Variants in LYPLA1 observed in about 807,000 individuals in gnomAD.
LYPLA1 encodes lysophospholipase 1, also known as acyl-protein thioesterase 1.
Under a neutral mutation model 34.0 loss-of-function variants are expected in LYPLA1, and 17 were observed. The ratio of observed to expected loss-of-function variants is 0.50; its 90% confidence interval spans 0.34 to 0.75. The LOEUF is 0.75. Among genes scored for constraint, LYPLA1 ranks in the 30% least tolerant of loss-of-function variants. The pLI, the probability that LYPLA1 is intolerant of heterozygous loss-of-function variation, is 0.01. For missense variants in LYPLA1, 203 were observed against 288.8 expected (o/e 0.70, Z 2.15); for synonymous variants, 98 against 100.8 (o/e 0.97, Z 0.17).
intron 2 of LYPLA1, chr8:54,073,003 G>A (rs1807604890): frequency 2.6e-6 from 1 of 383,940 alleles, no homozygotes; most frequent in Non-Finnish European, 5.0e-6. Context: ...GATCATTAAT[G>A]ATTAGAGAAA....
At chr8:54,054,927 TA>T in intron 6 of LYPLA1, 132 bp downstream of exon 6, 1 of 628,282 alleles carries the variant, frequency 1.6e-6, no homozygotes, top group Non-Finnish European at 2.8e-6. Flanking sequence ...GAAACTTAAT[TA>T]AACATCAAAG....
At chr8:54,094,647 T>G (rs552490463) in intron 2 of LYPLA1, among the ~76,000 whole-genome samples, 7 of 152,208 alleles carry the variant, frequency 4.6e-5, no homozygotes, top group Non-Finnish European at 8.8e-5. Flanking sequence ...TGGGAGCACA[T>G]ATAGCATCCA....
At chr8:54,045,292 T>G (rs952581345), downstream of LYPLA1, among the ~76,000 whole-genome samples, 1 of 152,208 alleles carries the variant, frequency 6.6e-6, no homozygotes, top group Non-Finnish European at 1.5e-5. Flanking sequence ...TATTTATACT[T>G]TCAAAATGCA....
intron 2 of LYPLA1, among the ~76,000 whole-genome samples, chr8:54,075,054 T>C (rs1334669612): frequency 1.3e-5 from 2 of 152,204 alleles, no homozygotes; most frequent in Admixed American, 6.5e-5. Context: ...GGACAAGCCA[T>C]AGTGGAAAGA....
chr8:54,101,471 A>AGAGGCTGACGCCGTGCCC, intron 1 of LYPLA1: 1 of 1,109,224 alleles, frequency 9.0e-7, no homozygotes, highest in South Asian at 4.4e-5. Flanking sequence ...AACACGCTGC[A>AGAGGCTGACGCCGTGCCC]GAGGCTGACG....
intron 2 of LYPLA1, among the ~76,000 whole-genome samples, chr8:54,089,833 G>A (rs1421569679): frequency 6.6e-6 from 1 of 152,106 alleles, no homozygotes; most frequent in Non-Finnish European, 1.5e-5. Context: ...CGGTTTGGCT[G>A]TGTCCCTGCC....
chr8:54,085,805 G>T (rs1250849396), intron 2 of LYPLA1, among the ~76,000 whole-genome samples: 6 of 108,812 alleles, frequency 5.5e-5, no homozygotes, highest in Non-Finnish European at 8.3e-5. Flanking sequence ...CCGTCCGCGA[G>T]GTGGGGGGGG....
At chr8:54,081,317 G>A (rs1808301197) in intron 2 of LYPLA1, among the ~76,000 whole-genome samples, 1 of 151,708 alleles carries the variant, frequency 6.6e-6, no homozygotes, top group African/African-American at 2.4e-5. Context: ...CTGTGTTTAT[G>A]TCTTAACCAC....
At chr8:54,077,071 A>G (rs904025614) in intron 2 of LYPLA1, among the ~76,000 whole-genome samples, 3 of 152,134 alleles carry the variant, frequency 2.0e-5, no homozygotes, top group South Asian at 2.1e-4. Flanking sequence ...TCACAACAGC[A>G]AAGACATTAA....
Position 54,073,510 on chromosome 8 carries a change from A to G in LYPLA1, c.102-7697T>C, listed in dbSNP as rs547052106. On this transcript the variant is annotated intron_variant, in intron 2 of 8. Transcript: ENST00000316963. ...CTTCCAGGACTCCAGAACTACCAGCATCTACACTGCCACTTCTATGCCAGC... is the reference window on the plus strand; with the variant it reads ...CTTCCAGGACTCCAGAACTACCAGCGTCTACACTGCCACTTCTATGCCAGC... The G allele has an allele frequency of 3.2e-4, 227 of 716,264 alleles. No individual in the cohort carries two copies. The African/African-American group carries it at 3.2e-3, about 10-fold the overall frequency. The allele number at this position is 716,264 out of a possible 1,614,324, so 44.4% of individuals were successfully genotyped here.
chr8:54,055,169 CAG>C (rs763807794), intron 5 of LYPLA1, 36 bp from the exon 6 acceptor site: 5 of 1,235,284 alleles, frequency 4.0e-6, no homozygotes, highest in Admixed American at 3.7e-5. Flanking sequence ...GCAATACTTT[CAG>C]AGTTAAGCCC....
chr8:54,055,463 G>C (rs1049505981), intron 5 of LYPLA1, among the ~76,000 whole-genome samples: 1 of 151,776 alleles, frequency 6.6e-6, no homozygotes, highest in African/African-American at 2.4e-5. Context: ...ATGGAAAAAA[G>C]ATTCCATGGT....
rs188100939 is a variant in LYPLA1 at position 54,064,404 on chromosome 8, G to A, written c.168-1029C>T. Among the ~76,000 whole-genome samples, 7 of 152,144 alleles carry A rather than the reference G, an allele frequency of 4.6e-5. 1 individual carries two copies. Among genetic ancestry groups the A allele is most frequent in the African/African-American group, 1.7e-4 (7 of 41,480 alleles). Reference sequence around the variant, plus strand: ...TGCACTCCATCTTGGGCAACAGAGAGAGACTCCATCTCAAAAAAAAAGAAA... The same window carrying A: ...TGCACTCCATCTTGGGCAACAGAGAAAGACTCCATCTCAAAAAAAAAGAAA... On this transcript the variant is annotated intron_variant, in intron 3 of 8. Transcript: ENST00000316963.
chr8:54,066,433 T>A (rs970561255), intron 2 of LYPLA1, among the ~76,000 whole-genome samples: 3 of 152,184 alleles, frequency 2.0e-5, no homozygotes, highest in African/African-American at 7.2e-5. Context: ...AAAATGTCTT[T>A]ATACAATGTG....
At chr8:54,064,689 C>T (rs1206091369) in intron 3 of LYPLA1, among the ~76,000 whole-genome samples, 2 of 152,160 alleles carry the variant, frequency 1.3e-5, no homozygotes, top group African/African-American at 4.8e-5. Context: ...TGTCCAATCC[C>T]TTCTTGTCTT....
intron 5 of LYPLA1, among the ~76,000 whole-genome samples, chr8:54,055,844 C>T (rs981309617): frequency 2.6e-5 from 4 of 151,898 alleles, no homozygotes; most frequent in Non-Finnish European, 5.9e-5. Context: ...GAGGTTTCAC[C>T]GTGTTAGCCA....
intron 6 of LYPLA1, among the ~76,000 whole-genome samples, chr8:54,054,003 AG>A: frequency 6.6e-6 from 1 of 152,130 alleles, no homozygotes; most frequent in East Asian, 1.9e-4. Flanking sequence ...TTTTTGAGAC[AG>A]AGTCTCAGCT....
chr8:54,092,912 G>A (rs759116618), intron 2 of LYPLA1, among the ~76,000 whole-genome samples: 8 of 152,176 alleles, frequency 5.3e-5, no homozygotes, highest in Non-Finnish European at 1.2e-4. Flanking sequence ...AGTAATATGG[G>A]TGTAGAACAG....
chr8:54,090,171 C>A (rs1459437368), intron 2 of LYPLA1, among the ~76,000 whole-genome samples: 2 of 152,196 alleles, frequency 1.3e-5, no homozygotes, highest in East Asian at 3.9e-4. Context: ...GGGCGCCTGT[C>A]CACATGGATA....
Sources: allele counts gnomAD v4.1 joint callset (sites outside exome capture counted in the v4.1 genomes callset), GRCh38; gene constraint gnomAD v4.1.1; transcripts MANE v1.5; gene names NCBI Gene and HGNC (gene_info 2026-07-23, HGNC 2026-07-21).